Variants in GARNL3 observed in about 807,000 individuals in gnomAD.
The protein encoded by GARNL3 is GTPase-activating Rap/Ran-GAP domain-like protein 3.
GARNL3 carries 63 observed loss-of-function variants against 125.0 expected under a neutral mutation model. The observed-to-expected ratio is 0.50, with a 90% CI of 0.41 to 0.62. The LOEUF is 0.62. Ranked by LOEUF, GARNL3 falls within the 20% of genes least tolerant of loss-of-function variation. GARNL3 has a pLI of 0.00. For synonymous variants in GARNL3, 439 were observed against 457.5 expected (o/e 0.96, Z 0.52); for missense variants, 994 against 1,244.0 (o/e 0.80, Z 3.02).
At chr9:127,225,834 G>T (rs973105784) in intron 1 of GARNL3, among the ~76,000 whole-genome samples, 1 of 26,014 alleles carries the variant, frequency 3.8e-5, no homozygotes, top group Non-Finnish European at 8.8e-5. Context: ...TGCGCCCCTC[G>T]CGCCCCTTGC....
At chr9:127,238,746 T>C (rs898624683) in intron 1 of GARNL3, among the ~76,000 whole-genome samples, 5 of 144,658 alleles carry the variant, frequency 3.5e-5, no homozygotes, top group African/African-American at 1.5e-4. Context: ...TCTTGGTGTC[T>C]TATTTTTCAT....
At chr9:127,272,858 A>T (rs1185604068) in intron 1 of GARNL3, among the ~76,000 whole-genome samples, 2 of 152,142 alleles carry the variant, frequency 1.3e-5, no homozygotes, top group Non-Finnish European at 2.9e-5. Flanking sequence ...TTGGTGATTG[A>T]TAGTGCTCAC....
At chr9:127,268,557 G>T (rs1198808355) in intron 1 of GARNL3, among the ~76,000 whole-genome samples, 2 of 151,918 alleles carry the variant, frequency 1.3e-5, no homozygotes, top group African/African-American at 4.8e-5. Flanking sequence ...TTTTTATTGT[G>T]GTAAAACAGA....
intron 4 of GARNL3, among the ~76,000 whole-genome samples, chr9:127,317,182 T>C (rs1222983905): frequency 6.6e-6 from 1 of 152,198 alleles, no homozygotes; most frequent in Non-Finnish European, 1.5e-5. Context: ...CATTTCCTTT[T>C]TAGTCAAAAT....
chr9:127,315,457 C>T (rs1349896050), intron 4 of GARNL3, among the ~76,000 whole-genome samples: 3 of 151,784 alleles, frequency 2.0e-5, no homozygotes, highest in African/African-American at 4.8e-5. Context: ...GGCAACATAG[C>T]GAAACCTTGT....
intron 4 of GARNL3, among the ~76,000 whole-genome samples, chr9:127,317,733 A>AAACAAC (rs55904456): frequency 1.3e-4 from 19 of 151,580 alleles, no homozygotes; most frequent in Non-Finnish European, 2.4e-4. Flanking sequence ...AAACAAAACA[A>AAACAAC]AACAACAACA....
At chr9:127,272,789 A>C (rs1303030635) in intron 1 of GARNL3, among the ~76,000 whole-genome samples, 1 of 152,140 alleles carries the variant, frequency 6.6e-6, no homozygotes, top group African/African-American at 2.4e-5. Flanking sequence ...ACATTCACCA[A>C]CAAGTTAACA....
chr9:127,235,871 C>G (rs997612882), intron 1 of GARNL3, among the ~76,000 whole-genome samples: 6 of 152,078 alleles, frequency 3.9e-5, no homozygotes, highest in African/African-American at 1.4e-4. Flanking sequence ...ACAGTCAACT[C>G]TTTGCACAGG....
upstream of GARNL3, chr9:127,263,765 T>C: frequency 8.2e-7 from 1 of 1,223,658 alleles, no homozygotes; most frequent in Non-Finnish European, 1.0e-6. Context: ...CTACAAAAGG[T>C]TAAATTTCTC....
chr9:127,320,809 A>G (rs372837447), intron 6 of GARNL3, 31 bp downstream of exon 6: 85 of 1,415,976 alleles, frequency 6.0e-5, no homozygotes, highest in Middle Eastern at 1.8e-4. Flanking sequence ...TCATAATTGT[A>G]CAAAATTGAT....
In GARNL3 at chr9:127,324,718, A is replaced by G. The variant is rs916811880; in HGVS notation, c.568-351A>G. On this transcript the variant is annotated intron_variant, in intron 6 of 27. Coordinates refer to ENST00000373387, the MANE Select transcript of GARNL3 (RefSeq NM_032293.5). ...TACCAGGTCTTCCACACACGCTGAC[A>G]GTGATCTTCACAGGGGTTAAGACAG... is the stretch of plus-strand genomic sequence containing the variant. Among the ~76,000 whole-genome samples the G allele has an allele frequency of 4.6e-5, 7 of 152,360 alleles. No homozygotes were observed. In the South Asian group the frequency reaches 1.2e-3, roughly 27 times the overall value.
Position 127,384,991 on chromosome 9 carries a change from C to A in GARNL3, c.2270-36C>A. Reference sequence around the variant, plus strand: ...CACAGCCCCTTCGCGGCCACCAAGCCAGCAGCTGGGAGGTGACACTCCCGT... The same window carrying A: ...CACAGCCCCTTCGCGGCCACCAAGCAAGCAGCTGGGAGGTGACACTCCCGT... On this transcript the variant is annotated intron_variant, in intron 23 of 27. Coordinates refer to ENST00000373387, the MANE Select transcript of GARNL3 (RefSeq NM_032293.5). The surrounding 1 kb of genome is among the most constrained non-coding windows in gnomAD (Gnocchi z 4.0). 7.2e-7 allele frequency: 1 copy of A among 1,384,804 alleles called. No individual in the cohort carries two copies. The highest frequency in any genetic ancestry group is 1.0e-6 in the Non-Finnish European group (1 of 986,428). 85.8% of individuals were successfully genotyped at this position (1,384,804 alleles called of 1,614,324 possible). A position where few individuals can be genotyped will look rare whatever the true frequency, so the allele number is the denominator to read the frequency against.
At chr9:127,235,397 T>C (rs2131146628) in intron 1 of GARNL3, among the ~76,000 whole-genome samples, 1 of 151,662 alleles carries the variant, frequency 6.6e-6, no homozygotes, top group East Asian at 1.9e-4. Context: ...TGAATCACAG[T>C]GAAATAGGGA....
chr9:127,252,210 C>T (rs939136595), intron 2 of GARNL3, among the ~76,000 whole-genome samples: 1 of 152,080 alleles, frequency 6.6e-6, no homozygotes, highest in African/African-American at 2.4e-5. Context: ...GTCAATTTGT[C>T]TTTTTCCAGT....
chr9:127,301,121 A>G (rs909269365), intron 2 of GARNL3: 1 of 156,392 alleles, frequency 6.4e-6, no homozygotes, highest in African/African-American at 2.4e-5. Flanking sequence ...TCAATGTGAC[A>G]TCTGTTGTTT....
chr9:127,276,304 T>C (rs1415098777), intron 1 of GARNL3, among the ~76,000 whole-genome samples: 1 of 152,094 alleles, frequency 6.6e-6, no homozygotes, highest in Non-Finnish European at 1.5e-5. Flanking sequence ...TCTGTAGCCC[T>C]GTTAAAATTT....
chr9:127,265,716 A>G (rs562640942), intron 1 of GARNL3, among the ~76,000 whole-genome samples: 259 of 152,354 alleles, frequency 1.7e-3, no homozygotes, highest in Admixed American at 4.2e-3. Context: ...GTGCTCATAA[A>G]ATTATATTGA....
chr9:127,380,202 G>A (rs1277134331), intron 22 of GARNL3, among the ~76,000 whole-genome samples: 1 of 139,160 alleles, frequency 7.2e-6, no homozygotes, highest in East Asian at 2.7e-4. Context: ...CAAAAAATAT[G>A]TGTGTGTGTG....
intron 13 of GARNL3, 30 bp from the exon 14 acceptor site, chr9:127,342,189 T>C: frequency 8.0e-7 from 1 of 1,256,574 alleles, no homozygotes; most frequent in South Asian, 1.2e-5. Context: ...AGATATCTTG[T>C]AATTCCCTTT....
Sources: gnomAD v4.1 joint callset for allele counts (sites outside exome capture counted in the v4.1 genomes callset) on GRCh38, gnomAD v4.1.1 for gene constraint, Gnocchi (gnomAD v3.1) non-coding constraint, MANE v1.5 for transcripts, NCBI Gene and HGNC (gene_info 2026-07-23, HGNC 2026-07-21) for gene names.